The following PCNX2 variants were observed in gnomAD, a reference collection of about 807,000 sequenced individuals.
PCNX2 encodes pecanex 2.
PCNX2 carries 168 observed loss-of-function variants against 223.8 expected under a neutral mutation model. The ratio of observed to expected loss-of-function variants is 0.75; its 90% CI spans 0.66 to 0.85. The LOEUF (loss-of-function observed/expected upper bound fraction) is 0.85, where lower values mean the gene tolerates loss of function less well. Among genes scored for constraint, PCNX2 ranks in the 40% least tolerant of loss-of-function variants. The pLI, the probability that PCNX2 is intolerant of heterozygous loss-of-function variation, is 0.00. For synonymous variants in PCNX2, 1,006 were observed against 1,052.6 expected, an observed-to-expected ratio of 0.96 and a Z score of 0.86; for missense variants, 2,507 against 2,675.5, an observed-to-expected ratio of 0.94 and a Z score of 1.39.
intron 23 of PCNX2, among the ~76,000 whole-genome samples, chr1:233,081,889 C>G (rs1443872043): frequency 6.6e-6 from 1 of 152,142 alleles, no homozygotes; most frequent in Non-Finnish European, 1.5e-5. Context: ...GCTGCAGCTG[C>G]TTTCCTTTCC....
rs1424171645 is a variant in PCNX2 at position 233,080,503 on chromosome 1, C to G, written c.4076+9558G>C. ...CATAAACCAGGTGGCTTATAAACAA[C>G]AGAAATATGTTGCTCCAGTTCTGGA... On this transcript the variant is annotated intron_variant, in intron 23 of 33. Coordinates refer to ENST00000258229, the MANE Select transcript of PCNX2 (RefSeq NM_014801.4). Among the ~76,000 whole-genome samples the G allele has an allele frequency of 3.3e-5, 5 of 152,014 alleles. No homozygotes were observed. The East Asian group carries it at 7.8e-4, about 24-fold the overall frequency.
chr1:232,984,450 CA>C lies in PCNX2; in HGVS notation c.6267del (p.Asp2090MetfsTer105), dbSNP rs765493104. 8.7e-6 allele frequency: 14 copies of C among 1,613,368 alleles called. No homozygotes were observed. Among genetic ancestry groups the C allele is most frequent in the Non-Finnish European group, 1.2e-5 (14 of 1,179,746 alleles). Reference sequence around the variant, plus strand: ...TGAAGCTGCCCCTGCTCGGTGGCATCAGGGGGCTCACATGGCTCGGAGAGGT... The same window carrying C: ...TGAAGCTGCCCCTGCTCGGTGGCATCGGGGGCTCACATGGCTCGGAGAGGT... ...TRHLSEPCEP[P>X]DATEQGQLHD... On this transcript the variant is annotated frameshift_variant, in exon 34 of 34. Coordinates refer to ENST00000258229, the MANE Select transcript of PCNX2 (RefSeq NM_014801.4). LOFTEE classifies it low-confidence loss of function (END_TRUNC).
intron 17 of PCNX2, chr1:233,172,443 G>C (rs1679210029): frequency 1.0e-6 from 1 of 985,272 alleles, no homozygotes; most frequent in African/African-American, 1.7e-5. Flanking sequence ...GACTTCTCAA[G>C]GATTCTCTTA....
At chr1:233,021,499 A>G (rs1670888381) in intron 26 of PCNX2, among the ~76,000 whole-genome samples, 1 of 138,280 alleles carries the variant, frequency 7.2e-6, no homozygotes, top group African/African-American at 3.3e-5. Flanking sequence ...TTTCTCAAAA[A>G]AAGAAAAAAA....
chr1:233,202,895 C>T (rs576661571), intron 13 of PCNX2, among the ~76,000 whole-genome samples: 3 of 152,262 alleles, frequency 2.0e-5, no homozygotes, highest in African/African-American at 2.4e-5. Flanking sequence ...GACATTTCAT[C>T]GTGCCTGAAG....
intron 9 of PCNX2, chr1:233,231,835 G>C (rs921006431): frequency 1.0e-5 from 2 of 198,280 alleles, no homozygotes; most frequent in South Asian, 1.8e-4. Flanking sequence ...CCCTAATAGT[G>C]ACAAAAGGAC....
chr1:233,236,345 A>C (rs1658414119), intron 9 of PCNX2, among the ~76,000 whole-genome samples: 1 of 152,182 alleles, frequency 6.6e-6, no homozygotes, highest in Admixed American at 6.5e-5. Context: ...AACATTAATA[A>C]GTTATCTCTT....
intron 19 of PCNX2, among the ~76,000 whole-genome samples, chr1:233,146,549 T>TG (rs1356732119): frequency 2.6e-5 from 4 of 152,206 alleles, no homozygotes; most frequent in Non-Finnish European, 5.9e-5. Context: ...CAGTGTCAGA[T>TG]TGAGGCCATC....
rs141314425 is a variant in PCNX2, at chr1:233,069,319, G to A, written c.4077-12029C>T. On this transcript the variant is annotated intron_variant, in intron 23 of 33. Transcript: ENST00000258229. ...TAAGAAGGCCAGACAGAAAATCAAC[G>A]ATAATATAGAAGAACTCAGTAACAC... Among the ~76,000 whole-genome samples, 785 of 152,164 alleles carry A rather than the reference G, an allele frequency of 5.2e-3. 6 individuals are homozygous for A. The highest frequency in any genetic ancestry group is 0.017 in the African/African-American group (725 of 41,534).
Position 233,208,580 on chromosome 1 carries a change from A to G in PCNX2, c.2801T>C (p.Val934Ala). 1 of 1,613,866 alleles carries G rather than the reference A, an allele frequency of 6.2e-7. No individual in the cohort carries two copies. Among genetic ancestry groups the G allele is most frequent in the East Asian group, 2.2e-5 (1 of 44,862 alleles). Residue 934 changes from valine (V) to alanine (A), a missense_variant, in exon 13 of 34, where the codon GTT (valine) becomes GCT (alanine). By Grantham distance (64) the Val-to-Ala change is moderately conservative (BLOSUM62 0). This residue lies in a region of PCNX2 where 104 missense variants were observed against 144.4 expected (regional missense o/e 0.72). Transcript: ENST00000258229. ...GAKARHPPSYVVYGLKLFSPV... is the reference protein window; with the variant it reads ...GAKARHPPSYAVYGLKLFSPV... ...AGAGAAGAGCTTCAGGCCATACACA[A>G]CGTAACTGGGAGGGTGCCTGGCTTT...
At chr1:233,249,930 A>G (rs1232777831) in intron 8 of PCNX2, among the ~76,000 whole-genome samples, 1 of 152,084 alleles carries the variant, frequency 6.6e-6, no homozygotes, top group Non-Finnish European at 1.5e-5. Context: ...TTTCCCATAA[A>G]CCCTTGGGAA....
chr1:233,127,316 A>G lies in PCNX2; in HGVS notation c.3837+7697T>C, dbSNP rs1676160776. On this transcript the variant is annotated intron_variant, in intron 21 of 33. Coordinates refer to ENST00000258229, the MANE Select transcript of PCNX2 (RefSeq NM_014801.4). ...CCCTTTCCAGGTTTTCACACTTCCC[A>G]AATTTCTCACGGTTTCCGGAATGTG... Among the ~76,000 whole-genome samples, 3 of 152,060 alleles carry G rather than the reference A, an allele frequency of 2.0e-5. No homozygotes were observed. In the South Asian group the frequency reaches 6.2e-4, roughly 32 times the overall value.
intron 7 of PCNX2, 86 bp from the exon 8 acceptor site, chr1:233,250,918 G>A (rs1370566401): frequency 1.4e-6 from 2 of 1,399,752 alleles, no homozygotes; most frequent in Non-Finnish European, 1.9e-6. Context: ...CAAGTTAAAA[G>A]GAAACTTATT....
chr1:233,045,622 C>G (rs1414899383), intron 25 of PCNX2, among the ~76,000 whole-genome samples: 1 of 152,208 alleles, frequency 6.6e-6, no homozygotes, highest in African/African-American at 2.4e-5. Flanking sequence ...CTTTCTTTCC[C>G]AGGCTCCCTT....
At chr1:233,317,626 G>A in the PCNX2 span, among the ~76,000 whole-genome samples, 1 of 151,820 alleles carries the variant, frequency 6.6e-6, no homozygotes, top group African/African-American at 2.4e-5. Flanking sequence ...TTTTGGCACA[G>A]TGAAATTGAT....
chr1:233,117,565 G>GA (rs1675486006), intron 21 of PCNX2, among the ~76,000 whole-genome samples: 1 of 130,404 alleles, frequency 7.7e-6, no homozygotes, highest in Non-Finnish European at 1.6e-5. Flanking sequence ...CGCGCCACTG[G>GA]ACTACAGCCT....
At chr1:233,111,578 A>G (rs1458560408) in intron 21 of PCNX2, among the ~76,000 whole-genome samples, 1 of 151,886 alleles carries the variant, frequency 6.6e-6, no homozygotes, top group Non-Finnish European at 1.5e-5. Flanking sequence ...TAATGTTTGA[A>G]TTTTTTGTAG....
intron 8 of PCNX2, among the ~76,000 whole-genome samples, chr1:233,239,195 G>A (rs1658608126): frequency 6.6e-6 from 1 of 152,156 alleles, no homozygotes; most frequent in Admixed American, 6.5e-5. Context: ...GCAAGAGTGG[G>A]AAAAGAAATG....
chr1:233,168,679 C>T (rs980723923), intron 17 of PCNX2, among the ~76,000 whole-genome samples: 7 of 152,008 alleles, frequency 4.6e-5, no homozygotes, highest in Admixed American at 4.6e-4. Context: ...TCTTTATATA[C>T]TAATTTTTTT....
Sources: allele counts gnomAD v4.1 joint callset (sites outside exome capture counted in the v4.1 genomes callset), GRCh38; gene constraint gnomAD v4.1.1; regional missense constraint gnomAD v4.1.1; transcripts MANE v1.5; gene names NCBI Gene and HGNC (gene_info 2026-07-23, HGNC 2026-07-21).